Variants in GMNC observed in about 807,000 individuals in gnomAD.
GMNC encodes the protein geminin coiled-coil domain-containing protein 1.
In GMNC, 16 loss-of-function variants were observed where a neutral mutation model predicts 33.6. The observed-to-expected ratio is 0.48, with a 90% CI of 0.32 to 0.72. The LOEUF (loss-of-function observed/expected upper bound fraction) is 0.72. GMNC is among the 30% of genes least tolerant of loss of function. The pLI is 0.03. For missense variants in GMNC, 393 were observed against 388.9 expected (o/e 1.01, Z -0.09); for synonymous variants, 156 against 147.3 (o/e 1.06, Z -0.43).
chr3:190,848,247 C>T (rs1034501676), downstream of GMNC, among the ~76,000 whole-genome samples: 4 of 152,154 alleles, frequency 2.6e-5, no homozygotes, highest in Admixed American at 1.3e-4. Context: ...TTTCATTGTA[C>T]AGAAGCGTCT....
rs371567527 is a variant in GMNC, at chr3:190,862,362, A to AAGAGAGAGAGAG, written c.3+239_3+250dup. Among the ~76,000 whole-genome samples, 3 of 147,548 alleles carry AAGAGAGAGAGAG rather than the reference A, an allele frequency of 2.0e-5. No homozygotes were observed. Among genetic ancestry groups the AAGAGAGAGAGAG allele is most frequent in the Admixed American group, 1.3e-4 (2 of 14,902 alleles). On this transcript the variant is annotated intron_variant, in intron 1 of 4. Transcript: ENST00000442080. The surrounding 1 kb of genome is among the most constrained non-coding windows in gnomAD (Gnocchi z 4.5). ...AAGTAAGGAAAGTAGTAATAACAGA[A>AAGAGAGAGAGAG]AGAGAGAGAGAGGGCGAGAGAGAGA...
rs1178374934 is a variant in GMNC, at chr3:190,858,028, C to T, written c.268-129G>A. 4 of 638,498 alleles carry T rather than the reference C, an allele frequency of 6.3e-6. No individual in the cohort carries two copies. The East Asian group carries it at 8.2e-5, about 13-fold the overall frequency. The allele number at this position is 638,498 out of a possible 1,614,324, so 39.6% of individuals were successfully genotyped here. On this transcript the variant is annotated intron_variant, in intron 3 of 4. Transcript: ENST00000442080. ...TTGTATGAACACAAGCACAGGGAGC[C>T]CTCATCCTGAGAGGCCTAAATTAAA... is the stretch of plus-strand genomic sequence containing the variant.
intron 4 of GMNC, 101 bp downstream of exon 4, chr3:190,857,682 A>G (rs1737776043): frequency 3.3e-6 from 2 of 599,416 alleles, no homozygotes; most frequent in Non-Finnish European, 6.0e-6. Context: ...TTATAAATGC[A>G]TATCAAGATA....
chr3:190,856,269 T>A (rs1219191724), intron 4 of GMNC, among the ~76,000 whole-genome samples: 1 of 144,924 alleles, frequency 6.9e-6, no homozygotes, highest in Admixed American at 7.0e-5. Flanking sequence ...TTATAAATAA[T>A]ACTTATATTT....
intron 4 of GMNC, among the ~76,000 whole-genome samples, chr3:190,856,546 T>C (rs1465428001): frequency 6.7e-6 from 1 of 148,594 alleles, no homozygotes; most frequent in Non-Finnish European, 1.5e-5. Context: ...TGAACTATCA[T>C]TTACTACAAT....
In GMNC at chr3:190,855,747, CAGG is replaced by C; in HGVS notation, c.550_552del (p.Pro184del). ...AGTGTTTGAAGGACCCAGGGATCCA[CAGG>C]GGGCCCAGCTTGTTCTTCACAGTTA... On this transcript the variant is annotated inframe_deletion, in exon 5 of 5. Transcript: ENST00000442080. The C allele has an allele frequency of 6.4e-7, 1 of 1,551,504 alleles. No individual in the cohort carries two copies. Among genetic ancestry groups the C allele is most frequent in the Admixed American group, 2.0e-5 (1 of 50,974 alleles).
At chr3:190,860,261 C>A (rs1246356655) in intron 2 of GMNC, among the ~76,000 whole-genome samples, 1 of 152,182 alleles carries the variant, frequency 6.6e-6, no homozygotes, top group African/African-American at 2.4e-5. Context: ...ATCCATGGAA[C>A]TTCCTCTATG....
At chr3:190,845,391 C>A in the GMNC span, among the ~76,000 whole-genome samples, 6 of 152,064 alleles carry the variant, frequency 3.9e-5, no homozygotes, top group Non-Finnish European at 7.4e-5. Context: ...GTCAATCAAA[C>A]CTCTTCTGTT....
Position 190,855,104 on chromosome 3 carries a change from G to A in GMNC, c.*191C>T, listed in dbSNP as rs991206985. ...CAAGTCAAATTTAGGTAAAAGAAGCGCGGACACGTTTCATTATGGATTCTT... is the reference window on the plus strand; with the variant it reads ...CAAGTCAAATTTAGGTAAAAGAAGCACGGACACGTTTCATTATGGATTCTT... On this transcript the variant is annotated 3_prime_UTR_variant, in exon 5 of 5. Transcript: ENST00000442080. 1.3e-4 allele frequency: 78 copies of A among 601,574 alleles called. No homozygotes were observed. Among genetic ancestry groups the A allele is most frequent in the African/African-American group, 6.0e-4 (32 of 53,726 alleles). The allele number at this position is 601,574 out of a possible 1,614,324, so 37.3% of individuals were successfully genotyped here. A position where few individuals can be genotyped will look rare whatever the true frequency, so the allele number is the denominator to read the frequency against.
Position 190,853,252 on chromosome 3 carries a change from A to G in GMNC, c.*2043T>C, listed in dbSNP as rs1737665068. On this transcript the variant is annotated 3_prime_UTR_variant, in exon 5 of 5. Coordinates refer to ENST00000442080, the MANE Select transcript of GMNC (RefSeq NM_001146686.3). The stretch of plus-strand genomic sequence containing the variant: ...TTTCCTTTTACAGCTTGATTATTAG[A>G]CTTTCAAAATTAGTTATATTACTTT... 1 of 152,122 alleles carries G rather than the reference A, an allele frequency of 6.6e-6. No individual in the cohort carries two copies. The highest frequency in any genetic ancestry group is 1.5e-5 in the Non-Finnish European group (1 of 67,998). 9.4% of individuals were successfully genotyped at this position (152,122 alleles called of 1,614,324 possible). A position where few individuals can be genotyped will look rare whatever the true frequency, so the allele number is the denominator to read the frequency against.
In GMNC at chr3:190,862,610, T is replaced by C; in HGVS notation, c.3+3A>G. On this transcript the variant is annotated splice_donor_region_variant and intron_variant, in intron 1 of 4. Coordinates refer to ENST00000442080, the MANE Select transcript of GMNC (RefSeq NM_001146686.3). This position sits in a 1 kb window ranked among gnomAD's most constrained non-coding sequence, Gnocchi z 4.5. ...GACTAGCTAACGCCAGTTCCTCACTTACCATCTTGCAGTGGAAGAAAGCGC... is the reference window on the plus strand; with the variant it reads ...GACTAGCTAACGCCAGTTCCTCACTCACCATCTTGCAGTGGAAGAAAGCGC... 1 of 1,551,634 alleles carries C rather than the reference T, an allele frequency of 6.4e-7. No individual in the cohort carries two copies. Among genetic ancestry groups the C allele is most frequent in the Non-Finnish European group, 8.7e-7 (1 of 1,146,476 alleles).
chr3:190,861,450 CCTATCATCTAT>C lies in GMNC; in HGVS notation c.4-603_4-593del, dbSNP rs1204969282. Reference sequence around the variant, plus strand: ...ATCTATCTGTCTGTCTGTCTGTCTGCCTATCATCTATCTATCTATCTATCTATCTATCTATC... The same window carrying C: ...ATCTATCTGTCTGTCTGTCTGTCTGCCTATCTATCTATCTATCTATCTATC... On this transcript the variant is annotated intron_variant, in intron 1 of 4. Coordinates refer to ENST00000442080, the MANE Select transcript of GMNC (RefSeq NM_001146686.3). This position sits in a 1 kb window ranked among gnomAD's most constrained non-coding sequence, Gnocchi z 5.1. 3.9e-4 allele frequency among the ~76,000 whole-genome samples: 57 copies of C among 145,928 alleles called. No homozygotes were observed. The highest frequency in any genetic ancestry group is 1.0e-3 in the Admixed American group (15 of 14,420).
chr3:190,859,125 A>C, intron 2 of GMNC, 109 bp from the exon 3 acceptor site: 1 of 684,578 alleles, frequency 1.5e-6, no homozygotes, highest in Non-Finnish European at 2.4e-6. Context: ...TATTTTTCTT[A>C]AACAGCTATT....
the GMNC span, among the ~76,000 whole-genome samples, chr3:190,845,122 G>T: frequency 1.1e-4 from 16 of 152,250 alleles, no homozygotes; most frequent in Non-Finnish European, 1.8e-4. Context: ...ATTGATTGCA[G>T]TAATTTTATT....
At chr3:190,859,351 T>TC (rs35079737) in intron 2 of GMNC, among the ~76,000 whole-genome samples, 65,602 of 151,938 alleles carry the variant, frequency 0.43, 16,583 homozygotes, top group African/African-American at 0.71. Context: ...CTTATTGATC[T>TC]CCCCCAAACT....
Position 190,855,901 on chromosome 3 carries a change from A to G in GMNC, c.399T>C (p.Ser133=). The G allele has an allele frequency of 6.5e-7, 1 of 1,541,718 alleles. No homozygotes were observed. Among genetic ancestry groups the G allele is most frequent in the Non-Finnish European group, 8.8e-7 (1 of 1,141,276 alleles). ...LEEKAKKLLS[S]DEFSKAYGKF... is the part of the protein sequence containing the mutation. ...TTCCATATGCTTTGGAGAACTCATC[A>G]GATGAGAGCAATTTCTAGGGAAGTG... is the stretch of plus-strand genomic sequence containing the variant. Residue 133 remains serine, a synonymous_variant, in exon 5 of 5, where the codon TCT becomes TCC. Transcript: ENST00000442080.
At position 190,855,793 on chromosome 3, in the gene GMNC, G is replaced by A; in HGVS notation, c.507C>T (p.Asn169=). The A allele has an allele frequency of 6.4e-7, 1 of 1,551,482 alleles. No individual in the cohort carries two copies. Among genetic ancestry groups the A allele is most frequent in the East Asian group, 2.4e-5 (1 of 40,914 alleles). ...CACAGTTAGCAAATTCACTAGAGAG[G>A]TTTCTTTTGGCATTTTTGGGATGGG... The part of the protein sequence containing the change: ...EIPHPKNAKR[N]LSSEFANCEE... The change falls in exon 5 of 5, where the codon AAC becomes AAT. Residue 169 remains asparagine (N), a synonymous_variant. Coordinates refer to ENST00000442080, the MANE Select transcript of GMNC (RefSeq NM_001146686.3).
chr3:190,846,972 TAA>T, the GMNC span, among the ~76,000 whole-genome samples: 1 of 152,190 alleles, frequency 6.6e-6, no homozygotes, highest in African/African-American at 2.4e-5. Flanking sequence ...CAATGTGGGT[TAA>T]ACGTGTGGTC....
Position 190,860,994 on chromosome 3 carries a change from A to G in GMNC, c.4-136T>C, listed in dbSNP as rs1339165697. The G allele has an allele frequency of 6.7e-6, 4 of 595,122 alleles. No homozygotes were observed. In the East Asian group the frequency reaches 8.5e-5, roughly 13 times the overall value. 36.9% of individuals were successfully genotyped at this position (595,122 alleles called of 1,614,324 possible). On this transcript the variant is annotated intron_variant, in intron 1 of 4. Transcript: ENST00000442080. ...AGAAAAAAAATCAGAAAAGGTGTTA[A>G]GTATAGATCCATATTAATTTTGGGG...
Sources: allele counts gnomAD v4.1 joint callset (sites outside exome capture counted in the v4.1 genomes callset), GRCh38; gene constraint gnomAD v4.1.1; non-coding constraint Gnocchi (gnomAD v3.1); transcripts MANE v1.5; gene names NCBI Gene and HGNC (gene_info 2026-07-23, HGNC 2026-07-21).